PLCB1: variants seen among roughly 807,000 people sequenced by gnomAD.
The protein encoded by PLCB1 is 1-phosphatidylinositol 4,5-bisphosphate phosphodiesterase beta-1.
Under a neutral mutation model 161.8 loss-of-function variants are expected in PLCB1, and 46 were observed. The ratio of observed to expected loss-of-function variants is 0.28; its 90% CI spans 0.22 to 0.36. The LOEUF is 0.36. PLCB1 is among the 10% of genes least tolerant of loss of function. The pLI is 1.00. For missense variants in PLCB1, 1,016 were observed against 1,472.5 expected (o/e 0.69, Z 5.07); for synonymous variants, 517 against 503.7 (o/e 1.03, Z -0.35).
At chr20:8,156,053 C>T (rs777044591) in intron 2 of PLCB1, among the ~76,000 whole-genome samples, 1 of 152,144 alleles carries the variant, frequency 6.6e-6, no homozygotes, top group Non-Finnish European at 1.5e-5. Context: ...AGACACAGTG[C>T]CATACCCACA....
chr20:8,446,597 T>A lies in PLCB1; in HGVS notation c.246+75147T>A, dbSNP rs566047737. ...GAGAAAGAAATAAAGGGTATTCAAT[T>A]AGGAAAAGAGGGAGTCAAATCGTCC... On this transcript the variant is annotated intron_variant, in intron 3 of 31. Coordinates refer to ENST00000338037, the MANE Select transcript of PLCB1 (RefSeq NM_015192.4). Among the ~76,000 whole-genome samples the A allele has an allele frequency of 2.6e-5, 4 of 152,258 alleles. No individual in the cohort carries two copies. In the East Asian group the frequency reaches 7.7e-4, roughly 29 times the overall value.
chr20:8,320,151 G>A (rs898615777), intron 2 of PLCB1, among the ~76,000 whole-genome samples: 1 of 152,210 alleles, frequency 6.6e-6, no homozygotes, highest in Non-Finnish European at 1.5e-5. Flanking sequence ...AGTATATGAT[G>A]AATGAGTAAA....
At chr20:8,152,824 G>A (rs1480036313) in intron 2 of PLCB1, among the ~76,000 whole-genome samples, 1 of 152,142 alleles carries the variant, frequency 6.6e-6, no homozygotes, top group African/African-American at 2.4e-5. Flanking sequence ...ATCATCTGAG[G>A]CCTAGTCTGC....
intron 3 of PLCB1, among the ~76,000 whole-genome samples, chr20:8,508,773 T>G (rs892257319): frequency 2.6e-5 from 4 of 152,050 alleles, no homozygotes; most frequent in African/African-American, 9.7e-5. Context: ...ATTTAAAACA[T>G]GTATATGCTT....
intron 30 of PLCB1, among the ~76,000 whole-genome samples, chr20:8,789,910 T>C (rs1983669500): frequency 6.6e-6 from 1 of 152,198 alleles, no homozygotes; most frequent in African/African-American, 2.4e-5. Flanking sequence ...TCCTTTTTTT[T>C]TCCAATTTAA....
At chr20:8,191,801 A>G (rs1412707583) in intron 2 of PLCB1, among the ~76,000 whole-genome samples, 6 of 152,156 alleles carry the variant, frequency 3.9e-5, no homozygotes, top group South Asian at 2.1e-4. Context: ...CACTTATTCA[A>G]TAACTCATTT....
At chr20:8,307,100 T>A (rs768151825) in intron 2 of PLCB1, among the ~76,000 whole-genome samples, 7 of 152,228 alleles carry the variant, frequency 4.6e-5, no homozygotes, top group Non-Finnish European at 1.0e-4. Flanking sequence ...GCTGGCATCC[T>A]GCATAGTCTT....
intron 11 of PLCB1, among the ~76,000 whole-genome samples, chr20:8,699,472 T>C (rs527593794): frequency 2.2e-4 from 33 of 152,326 alleles, no homozygotes; most frequent in African/African-American, 7.7e-4. Context: ...AAAACTCTTT[T>C]GGCTGCCTCA....
chr20:8,821,501 G>GTATATATA (rs552044656), intron 31 of PLCB1, among the ~76,000 whole-genome samples: 1 of 42,390 alleles, frequency 2.4e-5, no homozygotes, highest in Non-Finnish European at 4.7e-5. Flanking sequence ...AAAAAAATAT[G>GTATATATA]TATATATATA....
intron 3 of PLCB1, among the ~76,000 whole-genome samples, chr20:8,414,400 A>T (rs983210793): frequency 6.6e-6 from 1 of 152,194 alleles, no homozygotes; most frequent in African/African-American, 2.4e-5. Context: ...TGAAGTGCAC[A>T]TTGTCTTGAT....
intron 2 of PLCB1, among the ~76,000 whole-genome samples, chr20:8,344,900 G>C (rs1568640200): frequency 6.6e-6 from 1 of 152,314 alleles, no homozygotes; most frequent in East Asian, 1.9e-4. Context: ...AAGCATTGGT[G>C]AAAGTGAGCA....
At chr20:8,279,227 A>G (rs1982754714) in intron 2 of PLCB1, among the ~76,000 whole-genome samples, 1 of 152,196 alleles carries the variant, frequency 6.6e-6, no homozygotes, top group Non-Finnish European at 1.5e-5. Context: ...AAAACTATTC[A>G]CAATCAACAA....
chr20:8,718,112 C>A (rs993794584), intron 14 of PLCB1, among the ~76,000 whole-genome samples: 1 of 151,894 alleles, frequency 6.6e-6, no homozygotes, highest in Non-Finnish European at 1.5e-5. Context: ...CCCAGCTACT[C>A]GGGAGGCTGA....
intron 3 of PLCB1, among the ~76,000 whole-genome samples, chr20:8,417,086 T>A (rs1979331089): frequency 2.9e-5 from 3 of 104,246 alleles, no homozygotes; most frequent in Non-Finnish European, 5.9e-5. Context: ...TTTTTTTTTT[T>A]TTTTTTTTTT....
chr20:8,716,037 A>C, intron 12 of PLCB1: 1 of 510,960 alleles, frequency 2.0e-6, no homozygotes, highest in Admixed American at 3.2e-5. Flanking sequence ...ATGTCTATGC[A>C]GGTCTGCCTT....
chr20:8,148,369 A>G (rs1427224053), intron 1 of PLCB1, among the ~76,000 whole-genome samples: 1 of 152,146 alleles, frequency 6.6e-6, no homozygotes, highest in Non-Finnish European at 1.5e-5. Context: ...TTTTTTTGAC[A>G]TTTAGAAGTA....
At chr20:8,642,085 A>T (rs964580928) in intron 4 of PLCB1, among the ~76,000 whole-genome samples, 1 of 152,222 alleles carries the variant, frequency 6.6e-6, no homozygotes, top group African/African-American at 2.4e-5. Context: ...TTATTATGCT[A>T]GTTGTCCTAA....
intron 3 of PLCB1, among the ~76,000 whole-genome samples, chr20:8,558,959 T>C (rs1662188627): frequency 6.6e-6 from 1 of 151,916 alleles, no homozygotes; most frequent in Non-Finnish European, 1.5e-5. Flanking sequence ...CTTCAGGATG[T>C]AATGTCAGCA....
At chr20:8,712,418 G>T (rs1330677311) in intron 12 of PLCB1, among the ~76,000 whole-genome samples, 1 of 152,202 alleles carries the variant, frequency 6.6e-6, no homozygotes, top group Non-Finnish European at 1.5e-5. Flanking sequence ...GCTATTAGCT[G>T]CTTTCAATGT....
Sources: allele counts gnomAD v4.1 joint callset (sites outside exome capture counted in the v4.1 genomes callset), GRCh38; gene constraint gnomAD v4.1.1; transcripts MANE v1.5; gene names NCBI Gene and HGNC (gene_info 2026-07-23, HGNC 2026-07-21).